RBFOX2: variants seen among roughly 807,000 people sequenced by gnomAD.
RBFOX2 encodes the protein RNA binding fox-1 homolog 2, also known as RNA binding protein fox-1 homolog 2.
A neutral mutation model predicts 49.1 loss-of-function variants in RBFOX2; 10 were observed. The observed-to-expected ratio is 0.20, with a 90% CI of 0.13 to 0.35. RBFOX2 has a LOEUF of 0.35. Among genes scored for constraint, RBFOX2 ranks in the 10% least tolerant of loss-of-function variants. The probability of loss-of-function intolerance (pLI) is 1.00; values close to 1 mark genes in which losing one functional copy is unlikely to be tolerated. For synonymous variants in RBFOX2, 183 were observed against 187.4 expected (o/e 0.98, Z 0.19); for missense variants, 323 against 486.9 (o/e 0.66, Z 3.17).
chr22:35,843,246 G>A (rs996796453), upstream of RBFOX2, among the ~76,000 whole-genome samples: 6 of 152,172 alleles, frequency 3.9e-5, no homozygotes, highest in Non-Finnish European at 8.8e-5. Flanking sequence ...TGTTTGGGAG[G>A]AGAGAGACAG....
Position 35,778,225 on chromosome 22 carries a change from T to C in RBFOX2, c.400-147A>G, listed in dbSNP as rs1432511604. ...GTTTGTATTTGTTAGTAAGTTCCAA[T>C]ACCAGTTTCTGATTTTTCCTCGTCA... On this transcript the variant is annotated intron_variant, in intron 3 of 11. Coordinates refer to ENST00000405409, the Ensembl canonical transcript of RBFOX2. 3 of 688,548 alleles carry C rather than the reference T, an allele frequency of 4.4e-6. No individual in the cohort carries two copies. In the African/African-American group the frequency reaches 5.4e-5, roughly 12 times the overall value. The allele number at this position is 688,548 out of a possible 1,614,324, so 42.7% of individuals were successfully genotyped here.
At chr22:35,953,909 A>C (rs113270978) in intron 1 of RBFOX2, among the ~76,000 whole-genome samples, 296 of 152,318 alleles carry the variant, frequency 1.9e-3, no homozygotes, top group Middle Eastern at 6.8e-3. Flanking sequence ...ATTTTTTCCC[A>C]AAAAGATAAA....
intron 1 of RBFOX2, among the ~76,000 whole-genome samples, chr22:35,864,449 C>A (rs775955626): frequency 2.0e-5 from 3 of 152,126 alleles, no homozygotes; most frequent in Non-Finnish European, 4.4e-5. Flanking sequence ...CACCCAATAA[C>A]TAGAGGGAAC....
chr22:35,961,751 C>T, upstream of RBFOX2: 1 of 1,211,150 alleles, frequency 8.3e-7, no homozygotes, highest in Non-Finnish European at 1.1e-6. Context: ...CTCCCCACAC[C>T]ACCCGCCCCA....
Position 35,945,228 on chromosome 22 carries a change from G to C in RBFOX2, c.43-6331C>G, listed in dbSNP as rs182010457. Among the ~76,000 whole-genome samples, 18 of 152,156 alleles carry C rather than the reference G, an allele frequency of 1.2e-4. No homozygotes were observed. In the East Asian group the frequency reaches 3.3e-3, roughly 28 times the overall value. Reference sequence around the variant, plus strand: ...CCTTGCATGTATCTAATAACAGAAGGAAACAGACCACACTGACTAAAAAAA... The same window carrying C: ...CCTTGCATGTATCTAATAACAGAAGCAAACAGACCACACTGACTAAAAAAA... On this transcript the variant is annotated intron_variant, in intron 1 of 5. Transcript: ENST00000408983.
At chr22:35,872,528 G>GCCACTCAATAA (rs2044489275) in intron 1 of RBFOX2, among the ~76,000 whole-genome samples, 2 of 152,166 alleles carry the variant, frequency 1.3e-5, no homozygotes, top group African/African-American at 4.8e-5. Context: ...TTGAGTGGAA[G>GCCACTCAATAA]GATTTTTCCA....
intron 1 of RBFOX2, among the ~76,000 whole-genome samples, chr22:35,848,014 A>G (rs1325941382): frequency 6.6e-6 from 1 of 152,192 alleles, no homozygotes; most frequent in East Asian, 1.9e-4. Flanking sequence ...ATTCAATTAC[A>G]TACTGTAATT....
At chr22:35,800,222 G>A (rs974810759) in intron 2 of RBFOX2, among the ~76,000 whole-genome samples, 8 of 152,002 alleles carry the variant, frequency 5.3e-5, no homozygotes, top group African/African-American at 1.9e-4. Context: ...CCTTCATAAT[G>A]TCTCCTGAAT....
intron 1 of RBFOX2, among the ~76,000 whole-genome samples, chr22:35,909,384 G>A (rs766613827): frequency 2.2e-4 from 33 of 152,144 alleles, no homozygotes; most frequent in Non-Finnish European, 4.4e-4. Flanking sequence ...TTGAGAGGTT[G>A]TAAGGGGAGA....
intron 1 of RBFOX2, among the ~76,000 whole-genome samples, chr22:35,811,749 C>T (rs759624083): frequency 3.3e-5 from 5 of 151,842 alleles, no homozygotes; most frequent in African/African-American, 9.7e-5. Flanking sequence ...GGACTGCCTG[C>T]GGCTAGGAGT....
At chr22:35,745,841 T>C in intron 11 of RBFOX2, 82 bp downstream of exon 13, 2 of 1,392,654 alleles carry the variant, frequency 1.4e-6, no homozygotes, top group Non-Finnish European at 2.0e-6. Flanking sequence ...CTGAATTTAC[T>C]ACCTCCCTAG....
intron 9 of RBFOX2, chr22:35,748,770 T>TA (rs1933772173): frequency 6.6e-6 from 1 of 152,132 alleles, no homozygotes; most frequent in Non-Finnish European, 1.5e-5. Flanking sequence ...TTTACCTAGG[T>TA]AAAAAAATTA....
intron 1 of RBFOX2, among the ~76,000 whole-genome samples, chr22:35,871,720 T>C (rs2044376512): frequency 6.6e-6 from 1 of 152,086 alleles, no homozygotes. Context: ...TGACAAAAAA[T>C]GGCTGAGGGT....
chr22:35,973,434 C>A (rs1017959411), intron 1 of RBFOX2, among the ~76,000 whole-genome samples: 13 of 152,232 alleles, frequency 8.5e-5, no homozygotes, highest in Non-Finnish European at 1.9e-4. Flanking sequence ...ACAACCAGAG[C>A]AGGAACACTG....
At chr22:36,004,255 A>G (rs745563901) in intron 1 of RBFOX2, among the ~76,000 whole-genome samples, 15 of 152,172 alleles carry the variant, frequency 9.9e-5, no homozygotes, top group Non-Finnish European at 2.1e-4. Context: ...TGAGACTCCA[A>G]GTTCTTCAAC....
At chr22:35,756,052 A>C in intron 9 of RBFOX2, 53 bp downstream of exon 11, 1 of 1,282,738 alleles carries the variant, frequency 7.8e-7, no homozygotes, top group Non-Finnish European at 1.0e-6. Flanking sequence ...CAGAAAAAAA[A>C]AGGCTGGCTT....
intron 1 of RBFOX2, among the ~76,000 whole-genome samples, chr22:35,950,158 T>C (rs1330777825): frequency 1.3e-5 from 2 of 151,678 alleles, no homozygotes; most frequent in African/African-American, 4.9e-5. Context: ...TGAGGTTCCT[T>C]AGATCTCTCT....
intron 4 of RBFOX2, among the ~76,000 whole-genome samples, chr22:35,774,612 A>C (rs1943455737): frequency 6.6e-6 from 1 of 152,158 alleles, no homozygotes. Flanking sequence ...TCTATAATCT[A>C]AGTAAGCCAA....
rs747504077 is a variant in RBFOX2 at position 35,759,929 on chromosome 22, T to C, written c.846A>G (p.Ala282=). ...TGGCTGTTGGAGGTACCGCTCGGAC[T>C]GCACCATATACTGTCCGCCCTCTGC... The change falls in exon 9 of 12, where the codon GCA becomes GCG. Residue 282 remains alanine, a synonymous_variant. Coordinates refer to ENST00000405409, the Ensembl canonical transcript of RBFOX2. This position sits in a 1 kb window ranked among gnomAD's most constrained non-coding sequence, Gnocchi z 4.6. The C allele has an allele frequency of 2.5e-6, 4 of 1,613,772 alleles. No individual in the cohort carries two copies. The highest frequency in any genetic ancestry group is 3.4e-6 in the Non-Finnish European group (4 of 1,180,042).
Sources: gnomAD v4.1 joint callset for allele counts (sites outside exome capture counted in the v4.1 genomes callset) on GRCh38, gnomAD v4.1.1 for gene constraint, Gnocchi (gnomAD v3.1) non-coding constraint, MANE v1.5 for transcripts, NCBI Gene and HGNC (gene_info 2026-07-23, HGNC 2026-07-21) for gene names.